Variants in WDR72 observed in about 807,000 individuals in gnomAD.
WDR72 encodes WD repeat domain 72, also known as WD repeat-containing protein 72.
A neutral mutation model predicts 124.2 loss-of-function variants in WDR72; 120 were observed. That is an observed-to-expected ratio of 0.97 (90% confidence interval 0.83 to 1.12). The LOEUF (loss-of-function observed/expected upper bound fraction) is 1.12, where lower values mean the gene tolerates loss of function less well. Among genes scored for constraint, WDR72 ranks in the 50% most tolerant of loss-of-function variants. WDR72 has a pLI of 0.00. For missense variants in WDR72, 1,387 were observed against 1,278.8 expected (o/e 1.08, Z -1.29); for synonymous variants, 452 against 441.7 (o/e 1.02, Z -0.29).
chr15:53,540,586 C>A lies in WDR72; in HGVS notation c.3149-17264G>T, dbSNP rs201698834. 3.2e-3 allele frequency among the ~76,000 whole-genome samples: 346 copies of A among 107,812 alleles called. 1 individual carries two copies. Among genetic ancestry groups the A allele is most frequent in the African/African-American group, 8.6e-3 (272 of 31,540 alleles). 70.7% of individuals were successfully genotyped at this position (107,812 alleles called of 152,430 possible). A position where few individuals can be genotyped will look rare whatever the true frequency, so the allele number is the denominator to read the frequency against. On this transcript the variant is annotated intron_variant, in intron 18 of 19. Coordinates refer to ENST00000360509, the MANE Select transcript of WDR72 (RefSeq NM_182758.4). ...AAGGAAGAAAGAAAAAAAAAAAAAA[C>A]AAGAGGAAAGAAAGACAATGAATTA...
intron 14 of WDR72, among the ~76,000 whole-genome samples, chr15:53,660,454 G>C (rs1397291473): frequency 3.3e-5 from 5 of 151,988 alleles, no homozygotes; most frequent in African/African-American, 1.2e-4. Flanking sequence ...GTAGTAGTGG[G>C]ATCAAATTTT....
At chr15:53,546,774 C>T (rs1462615557) in intron 18 of WDR72, among the ~76,000 whole-genome samples, 1 of 151,886 alleles carries the variant, frequency 6.6e-6, no homozygotes, top group Non-Finnish European at 1.5e-5. Context: ...AGGGAAAATT[C>T]ACAAATACAC....
At chr15:53,755,645 T>G (rs986516003) in intron 1 of WDR72, among the ~76,000 whole-genome samples, 10 of 152,206 alleles carry the variant, frequency 6.6e-5, no homozygotes. Context: ...GTTCTCCTCT[T>G]GAGAATGAGA....
chr15:53,687,487 A>C (rs1254961567), intron 13 of WDR72, among the ~76,000 whole-genome samples: 2 of 151,452 alleles, frequency 1.3e-5, no homozygotes, highest in Admixed American at 1.3e-4. Context: ...TCCTTGACAC[A>C]TACACTCTTC....
intron 18 of WDR72, among the ~76,000 whole-genome samples, chr15:53,575,629 A>T (rs74017462): frequency 0.14 from 21,646 of 152,084 alleles, 2,064 homozygotes; most frequent in African/African-American, 0.27. Flanking sequence ...TCAGTTTTCT[A>T]ATCTGTAAAA....
At chr15:53,635,813 C>T (rs12437856) in intron 14 of WDR72, among the ~76,000 whole-genome samples, 19,291 of 151,970 alleles carry the variant, frequency 0.13, 1,529 homozygotes, top group East Asian at 0.21. Context: ...AGGTAGCAAA[C>T]CTGTGCGTGT....
intron 1 of WDR72, among the ~76,000 whole-genome samples, chr15:53,757,974 A>ATT (rs1443621778): frequency 9.8e-5 from 9 of 92,108 alleles, no homozygotes; most frequent in African/African-American, 3.0e-4. Flanking sequence ...TTAAGAGTTT[A>ATT]TTTTCTCTCT....
At chr15:53,714,746 G>A (rs1027750221) in intron 5 of WDR72, among the ~76,000 whole-genome samples, 1 of 152,156 alleles carries the variant, frequency 6.6e-6, no homozygotes, top group African/African-American at 2.4e-5. Flanking sequence ...GAACCACATT[G>A]CAAATCATCA....
chr15:53,646,776 G>C (rs1425554587), intron 14 of WDR72, among the ~76,000 whole-genome samples: 2 of 151,864 alleles, frequency 1.3e-5, no homozygotes, highest in Non-Finnish European at 2.9e-5. Flanking sequence ...TGAAATGATA[G>C]AAAACGTCAA....
intron 18 of WDR72, among the ~76,000 whole-genome samples, chr15:53,545,732 C>T (rs1430203732): frequency 7.6e-6 from 1 of 131,942 alleles, no homozygotes; most frequent in Non-Finnish European, 1.6e-5. Context: ...AGGCAACCTA[C>T]AAAATGGGAG....
In WDR72 at chr15:53,732,884, T is replaced by C. The variant is rs2018241422; in HGVS notation, c.153+113A>G. 6 of 1,290,096 alleles carry C rather than the reference T, an allele frequency of 4.7e-6. No individual in the cohort carries two copies. In the South Asian group the frequency reaches 7.3e-5, roughly 16 times the overall value. 79.9% of individuals were successfully genotyped at this position (1,290,096 alleles called of 1,614,324 possible). On this transcript the variant is annotated intron_variant, in intron 2 of 19. Transcript: ENST00000360509. ...AAGTAAAATCAATTTATTACTTTAA[T>C]AAACATCTTTTTAACAATCATGCAA...
At chr15:53,606,742 C>T (rs377458068) in intron 17 of WDR72, among the ~76,000 whole-genome samples, 11 of 152,082 alleles carry the variant, frequency 7.2e-5, no homozygotes, top group Admixed American at 2.0e-4. Flanking sequence ...AGAATTCTAG[C>T]CCAAGAGAAC....
At chr15:53,694,742 T>G (rs1451791514) in intron 13 of WDR72, among the ~76,000 whole-genome samples, 1 of 152,218 alleles carries the variant, frequency 6.6e-6, no homozygotes, top group East Asian at 1.9e-4. Flanking sequence ...GTGTTCTATT[T>G]CCTCACTGGT....
chr15:53,573,743 G>A (rs1322620874), intron 18 of WDR72, among the ~76,000 whole-genome samples: 1 of 152,008 alleles, frequency 6.6e-6, no homozygotes, highest in East Asian at 1.9e-4. Flanking sequence ...ATGGGATTTC[G>A]CCATGTTGGC....
intron 18 of WDR72, among the ~76,000 whole-genome samples, chr15:53,572,709 T>C (rs929397842): frequency 6.6e-6 from 1 of 152,166 alleles, no homozygotes; most frequent in Non-Finnish European, 1.5e-5. Context: ...TATAGATGCC[T>C]GGGAAATGGC....
At chr15:53,683,953 T>G (rs1329456823) in intron 13 of WDR72, among the ~76,000 whole-genome samples, 1 of 152,106 alleles carries the variant, frequency 6.6e-6, no homozygotes, top group Non-Finnish European at 1.5e-5. Flanking sequence ...ATCAACAATC[T>G]GGGGATGTCA....
intron 13 of WDR72, among the ~76,000 whole-genome samples, chr15:53,666,533 TTC>T (rs1295751560): frequency 6.6e-6 from 1 of 152,184 alleles, no homozygotes; most frequent in Non-Finnish European, 1.5e-5. Flanking sequence ...ATTAATCATG[TTC>T]TGTCTCTTAT....
chr15:53,734,843 G>A (rs2018305124), intron 1 of WDR72, among the ~76,000 whole-genome samples: 1 of 151,142 alleles, frequency 6.6e-6, no homozygotes, highest in African/African-American at 2.4e-5. Context: ...ATATAATTCC[G>A]GAATGAATTT....
At chr15:53,673,689 T>G (rs1200206771) in intron 13 of WDR72, among the ~76,000 whole-genome samples, 1 of 152,156 alleles carries the variant, frequency 6.6e-6, no homozygotes, top group African/African-American at 2.4e-5. Context: ...ATATATTTCA[T>G]TGTGAAAAAA....
Sources: allele counts gnomAD v4.1 joint callset (sites outside exome capture counted in the v4.1 genomes callset), GRCh38; gene constraint gnomAD v4.1.1; transcripts MANE v1.5; gene names NCBI Gene and HGNC (gene_info 2026-07-23, HGNC 2026-07-21).